Variants in ASB13 observed in about 807,000 individuals in gnomAD.
The protein encoded by ASB13 is ankyrin repeat and SOCS box protein 13.
Under a neutral mutation model 28.8 loss-of-function variants are expected in ASB13, and 33 were observed. That is an observed-to-expected ratio of 1.15 (90% CI 0.87 to 1.53). The LOEUF is 1.53. ASB13 is among the 40% of genes most tolerant of loss of function. The probability of loss-of-function intolerance (pLI) is 0.00; values close to 1 mark genes in which losing one functional copy is unlikely to be tolerated. For synonymous variants in ASB13, 182 were observed against 172.9 expected (o/e 1.05, Z -0.41); for missense variants, 414 against 390.1 (o/e 1.06, Z -0.52).
At position 5,659,274 on chromosome 10, in the gene ASB13, G is replaced by A. The variant is rs568244482; in HGVS notation, c.44-6224C>T. On this transcript the variant is annotated intron_variant, in intron 1 of 5. Transcript: ENST00000357700. This position sits in a 1 kb window ranked among gnomAD's most constrained non-coding sequence, Gnocchi z 5.8. ...CTGGCGAGTTCCCTCCGGGACTCACGTTCTGCCCCTAAATCCCACCCACTG... is the reference window on the plus strand; with the variant it reads ...CTGGCGAGTTCCCTCCGGGACTCACATTCTGCCCCTAAATCCCACCCACTG... Among the ~76,000 whole-genome samples, 4 of 152,204 alleles carry A rather than the reference G, an allele frequency of 2.6e-5. No individual in the cohort carries two copies. Among genetic ancestry groups the A allele is most frequent in the South Asian group, 2.1e-4 (1 of 4,820 alleles).
At position 5,662,545 on chromosome 10, in the gene ASB13, GGA is replaced by G. The variant is rs1221783664; in HGVS notation, c.43+3962_43+3963del. Among the ~76,000 whole-genome samples, 50 of 66,108 alleles carry G rather than the reference GGA, an allele frequency of 7.6e-4. 1 individual carries two copies. The highest frequency in any genetic ancestry group is 1.4e-3 in the South Asian group (2 of 1,436). 43.4% of individuals were successfully genotyped at this position (66,108 alleles called of 152,430 possible). On this transcript the variant is annotated intron_variant, in intron 1 of 5. Transcript: ENST00000357700. ...ACTCTGTCGAGAAGGGGGGGGGAGG[GGA>G]GGGGAGGGGAGGGGAGGGGAGAAGA... is the stretch of plus-strand genomic sequence containing the variant.
Position 5,638,891 on chromosome 10 carries a change from T to C in ASB13, c.*1812A>G, listed in dbSNP as rs1204472616. 1 of 152,198 alleles carries C rather than the reference T, an allele frequency of 6.6e-6. No homozygotes were observed. Among genetic ancestry groups the C allele is most frequent in the Admixed American group, 6.5e-5 (1 of 15,270 alleles). The allele number at this position is 152,198 out of a possible 1,614,324, so 9.4% of individuals were successfully genotyped here. ...ATGCACTTTATTCCGCCACTTTTAT[T>C]GAGCAACAGCCGTGGGGACCTGATT... On this transcript the variant is annotated 3_prime_UTR_variant, in exon 6 of 6. Coordinates refer to ENST00000357700, the MANE Select transcript of ASB13 (RefSeq NM_024701.4).
chr10:5,655,866 G>A lies in ASB13; in HGVS notation c.44-2816C>T, dbSNP rs918308431. ...GCATCTCAGGAGGCCACCTGAGCCG[G>A]GAAGGCGCGTTCCCGACGTGCCTCC... On this transcript the variant is annotated intron_variant, in intron 1 of 5. Transcript: ENST00000357700. The surrounding 1 kb of genome is among the most constrained non-coding windows in gnomAD (Gnocchi z 6.2). 6.6e-6 allele frequency among the ~76,000 whole-genome samples: 1 copy of A among 152,198 alleles called. No homozygotes were observed. The highest frequency in any genetic ancestry group is 1.5e-5 in the Non-Finnish European group (1 of 68,026).
rs535861730 is a variant in ASB13 at position 5,641,319 on chromosome 10, T to C, written c.709+451A>G. The stretch of plus-strand genomic sequence containing the variant: ...GTTTCATCAAGTTGGCCAGGCTGGT[T>C]TCGAACTCCTGACCTCAGGTGATCT... On this transcript the variant is annotated intron_variant, in intron 5 of 5. Coordinates refer to ENST00000357700, the MANE Select transcript of ASB13 (RefSeq NM_024701.4). The surrounding 1 kb of genome is among the most constrained non-coding windows in gnomAD (Gnocchi z 8.4). Among the ~76,000 whole-genome samples, 1 of 152,142 alleles carries C rather than the reference T, an allele frequency of 6.6e-6. No homozygotes were observed. Among genetic ancestry groups the C allele is most frequent in the Admixed American group, 6.5e-5 (1 of 15,282 alleles).
Position 5,655,666 on chromosome 10 carries a change from C to G in ASB13, c.44-2616G>C, listed in dbSNP as rs1404201518. On this transcript the variant is annotated intron_variant, in intron 1 of 5. Coordinates refer to ENST00000357700, the MANE Select transcript of ASB13 (RefSeq NM_024701.4). This position sits in a 1 kb window ranked among gnomAD's most constrained non-coding sequence, Gnocchi z 6.2. Reference sequence around the variant, plus strand: ...CGTCTCCAGGTGGCCCTCAGCCCCACCAGTAGTAATGAACAGTAACCCACT... The same window carrying G: ...CGTCTCCAGGTGGCCCTCAGCCCCAGCAGTAGTAATGAACAGTAACCCACT... Among the ~76,000 whole-genome samples the G allele has an allele frequency of 6.6e-6, 1 of 152,166 alleles. No homozygotes were observed. The highest frequency in any genetic ancestry group is 2.4e-5 in the African/African-American group (1 of 41,448).
Position 5,656,297 on chromosome 10 carries a change from T to C in ASB13, c.44-3247A>G, listed in dbSNP as rs560100605. On this transcript the variant is annotated intron_variant, in intron 1 of 5. Transcript: ENST00000357700. The surrounding 1 kb of genome is among the most constrained non-coding windows in gnomAD (Gnocchi z 4.3). ...GTTCAAGCCTGTAATCCCAGCACTT[T>C]GGGAGGCCAAGGCGGGTGGATCACG... 6.6e-5 allele frequency among the ~76,000 whole-genome samples: 10 copies of C among 152,306 alleles called. No individual in the cohort carries two copies. The East Asian group carries it at 1.9e-3, about 29-fold the overall frequency.
At position 5,662,686 on chromosome 10, in the gene ASB13, T is replaced by A. The variant is rs535124380; in HGVS notation, c.43+3823A>T. Among the ~76,000 whole-genome samples, 30 of 152,022 alleles carry A rather than the reference T, an allele frequency of 2.0e-4. No individual in the cohort carries two copies. In the East Asian group the frequency reaches 5.8e-3, roughly 29 times the overall value. ...CTCCCAGAAAAAGCCAAATGTAGCA[T>A]CCATTCATCTCTGCCTGCTGTCCAA... On this transcript the variant is annotated intron_variant, in intron 1 of 5. Transcript: ENST00000357700.
At position 5,666,510 on chromosome 10, in the gene ASB13, C is replaced by T; in HGVS notation, c.42G>A (p.Val14=). 7.8e-7 allele frequency: 1 copy of T among 1,289,346 alleles called. No homozygotes were observed. Among genetic ancestry groups the T allele is most frequent in the Non-Finnish European group, 9.9e-7 (1 of 1,013,798 alleles). The allele number at this position is 1,289,346 out of a possible 1,614,324, so 79.9% of individuals were successfully genotyped here. Residue 14 remains valine (V), a splice_region_variant and synonymous_variant, in exon 1 of 6, where the codon GTG becomes GTA. Coordinates refer to ENST00000357700, the MANE Select transcript of ASB13 (RefSeq NM_024701.4). ...RAADGCFLGD[V]GFWVERTPVH... is the part of the protein sequence containing the mutation. The stretch of plus-strand genomic sequence containing the variant: ...GACCTCCGCGGCGCCCGCACGTACC[C>T]ACGTCGCCCAGGAAGCAGCCGTCCG...
rs773440410 is a variant in ASB13 at position 5,651,248 on chromosome 10, T to C, written c.347A>G (p.Tyr116Cys). ...GGCCTCGTGCAGGGGGGACGCTGTG[T>C]ACAGGGGAGGGTTGACCTTGGCCCC... ...SYGAKVNPPLYTASPLHEACM... is the reference protein window; with the variant it reads ...SYGAKVNPPLCTASPLHEACM... Residue 116 changes from tyrosine (Y) to cysteine (C), a missense_variant, in exon 3 of 6, where the codon TAC becomes TGC. By Grantham distance (194) the Tyr-to-Cys change is radical. Coordinates refer to ENST00000357700, the MANE Select transcript of ASB13 (RefSeq NM_024701.4). The surrounding 1 kb of genome is among the most constrained non-coding windows in gnomAD (Gnocchi z 5.1). 3.7e-6 allele frequency: 6 copies of C among 1,613,834 alleles called. No homozygotes were observed. The highest frequency in any genetic ancestry group is 4.5e-5 in the East Asian group (2 of 44,862).
rs1469108079 is a variant in ASB13, at chr10:5,640,551, G to A, written c.*152C>T. 2.0e-6 allele frequency: 2 copies of A among 989,410 alleles called. No individual in the cohort carries two copies. Among genetic ancestry groups the A allele is most frequent in the East Asian group, 2.6e-5 (1 of 37,918 alleles). The allele number at this position is 989,410 out of a possible 1,614,324, so 61.3% of individuals were successfully genotyped here. A position where few individuals can be genotyped will look rare whatever the true frequency, so the allele number is the denominator to read the frequency against. ...CCCTGGAAACATTATCCAGGATCCA[G>A]GAGAGAAGCCTAAACAGGATCGCAG... On this transcript the variant is annotated 3_prime_UTR_variant, in exon 6 of 6. Transcript: ENST00000357700.
rs116621799 is a variant in ASB13, at chr10:5,652,772, T to A, written c.231+91A>T. 6.2e-4 allele frequency: 836 copies of A among 1,338,606 alleles called. 5 individuals carry two copies. The African/African-American group carries it at 0.01, about 17-fold the overall frequency. The allele number at this position is 1,338,606 out of a possible 1,614,324, so 82.9% of individuals were successfully genotyped here. On this transcript the variant is annotated intron_variant, in intron 2 of 5. Transcript: ENST00000357700. The surrounding 1 kb of genome is among the most constrained non-coding windows in gnomAD (Gnocchi z 5.0). Reference sequence around the variant, plus strand: ...TGCAGTGGACACAGTGCAGCCCCCATCCTCCCCTCTTTCCCAAGTTCTCCT... The same window carrying A: ...TGCAGTGGACACAGTGCAGCCCCCAACCTCCCCTCTTTCCCAAGTTCTCCT...
Position 5,651,599 on chromosome 10 carries a change from T to TCAGCAGCCCC in ASB13, c.232-246_232-237dup, listed in dbSNP as rs1327479121. On this transcript the variant is annotated intron_variant, in intron 2 of 5. Transcript: ENST00000357700. This position sits in a 1 kb window ranked among gnomAD's most constrained non-coding sequence, Gnocchi z 5.1. The stretch of plus-strand genomic sequence containing the variant: ...TCTTTTCTCTCAGGGCAGGATAAGC[T>TCAGCAGCCCC]CAGCAGCCCCCTCGCCACCCCCGCC... 6.1e-6 allele frequency: 3 copies of TCAGCAGCCCC among 488,712 alleles called. No individual in the cohort carries two copies. The highest frequency in any genetic ancestry group is 1.1e-5 in the Non-Finnish European group (3 of 275,936). 30.3% of individuals were successfully genotyped at this position (488,712 alleles called of 1,614,324 possible).
Position 5,659,139 on chromosome 10 carries a change from C to G in ASB13, c.44-6089G>C, listed in dbSNP as rs573327365. 2.0e-5 allele frequency among the ~76,000 whole-genome samples: 3 copies of G among 152,328 alleles called. No homozygotes were observed. The East Asian group carries it at 5.8e-4, about 29-fold the overall frequency. ...GGCCAGGATGGATTGCAGGCTGCTTCCAGCCCCTGTGCCAGGCTCCCTGTG... is the reference window on the plus strand; with the variant it reads ...GGCCAGGATGGATTGCAGGCTGCTTGCAGCCCCTGTGCCAGGCTCCCTGTG... On this transcript the variant is annotated intron_variant, in intron 1 of 5. Transcript: ENST00000357700. The surrounding 1 kb of genome is among the most constrained non-coding windows in gnomAD (Gnocchi z 5.8).
intron 1 of ASB13, among the ~76,000 whole-genome samples, chr10:5,653,810 T>C: frequency 6.6e-6 from 1 of 152,198 alleles, no homozygotes; most frequent in East Asian, 1.9e-4. Flanking sequence ...GCCTCCCAAG[T>C]AGCTGGGATT....
At position 5,661,856 on chromosome 10, in the gene ASB13, G is replaced by A. The variant is rs1835171892; in HGVS notation, c.43+4653C>T. Among the ~76,000 whole-genome samples the A allele has an allele frequency of 6.6e-6, 1 of 152,182 alleles. No individual in the cohort carries two copies. The highest frequency in any genetic ancestry group is 1.5e-5 in the Non-Finnish European group (1 of 68,046). On this transcript the variant is annotated intron_variant, in intron 1 of 5. Transcript: ENST00000357700. This position sits in a 1 kb window ranked among gnomAD's most constrained non-coding sequence, Gnocchi z 4.9. Reference sequence around the variant, plus strand: ...AATTTTGTTCCGAGTAAATCACCAAGGGGAGTCTGGGGTCCTGGCTGCAGA... The same window carrying A: ...AATTTTGTTCCGAGTAAATCACCAAAGGGAGTCTGGGGTCCTGGCTGCAGA...
rs1241606640 is a variant in ASB13, at chr10:5,656,466, G to C, written c.44-3416C>G. 6.6e-6 allele frequency among the ~76,000 whole-genome samples: 1 copy of C among 151,934 alleles called. No homozygotes were observed. The highest frequency in any genetic ancestry group is 1.5e-5 in the Non-Finnish European group (1 of 68,036). On this transcript the variant is annotated intron_variant, in intron 1 of 5. Coordinates refer to ENST00000357700, the MANE Select transcript of ASB13 (RefSeq NM_024701.4). This position sits in a 1 kb window ranked among gnomAD's most constrained non-coding sequence, Gnocchi z 4.3. ...AGGCAGCAGAATCGCTTGAACCCAG[G>C]AGGCGGAGATTGCAGTGAGCTGAGA...
At chr10:5,662,157 C>T (rs1201563299) in intron 1 of ASB13, among the ~76,000 whole-genome samples, 1 of 152,068 alleles carries the variant, frequency 6.6e-6, no homozygotes, top group African/African-American at 2.4e-5. Context: ...ACATAGCCCC[C>T]CAGGGTCCCA....
Position 5,642,589 on chromosome 10 carries a change from T to TA in ASB13, c.518-629dup, listed in dbSNP as rs1221844800. 2.2e-4 allele frequency: 237 copies of TA among 1,076,744 alleles called. No individual in the cohort carries two copies. The highest frequency in any genetic ancestry group is 3.7e-4 in the Admixed American group (11 of 29,874). The allele number at this position is 1,076,744 out of a possible 1,614,324, so 66.7% of individuals were successfully genotyped here. A position where few individuals can be genotyped will look rare whatever the true frequency, so the allele number is the denominator to read the frequency against. ...GTAAAGGTAAAAAAAAATTTTTTTT[T>TA]AAAAAAAAGAGCAGACATTCAGAAA... On this transcript the variant is annotated intron_variant, in intron 4 of 5. Transcript: ENST00000357700. The surrounding 1 kb of genome is among the most constrained non-coding windows in gnomAD (Gnocchi z 4.1).
rs776079090 is a variant in ASB13, at chr10:5,649,149, A to G, written c.383-45T>C. 3.1e-6 allele frequency: 5 copies of G among 1,610,846 alleles called. No individual in the cohort carries two copies. The African/African-American group carries it at 5.3e-5, about 17-fold the overall frequency. ...GGGGGGAATGTCCTTGAATACGGAC[A>G]CTGGAGACAACAAGCACACAGACGC... On this transcript the variant is annotated intron_variant, in intron 3 of 5. Transcript: ENST00000357700. This position sits in a 1 kb window ranked among gnomAD's most constrained non-coding sequence, Gnocchi z 6.4.
Sources: allele counts gnomAD v4.1 joint callset (sites outside exome capture counted in the v4.1 genomes callset), GRCh38; gene constraint gnomAD v4.1.1; non-coding constraint Gnocchi (gnomAD v3.1); transcripts MANE v1.5; gene names NCBI Gene and HGNC (gene_info 2026-07-23, HGNC 2026-07-21).